The following MAGI1 variants were observed in gnomAD, a reference collection of about 807,000 sequenced individuals.
The protein encoded by MAGI1 is membrane-associated guanylate kinase, WW and PDZ domain-containing protein 1.
A neutral mutation model predicts 139.9 loss-of-function variants in MAGI1; 58 were observed. That is an observed-to-expected ratio of 0.41 (90% CI 0.34 to 0.52). MAGI1 has a LOEUF of 0.52. Among genes scored for constraint, MAGI1 ranks in the 20% least tolerant of loss-of-function variants. MAGI1 has a pLI of 0.12. For missense variants in MAGI1, 1,874 were observed against 1,901.6 expected (o/e 0.99, Z 0.27); for synonymous variants, 812 against 737.9 (o/e 1.10, Z -1.63).
chr3:65,450,995 C>A (rs999208634), intron 6 of MAGI1, among the ~76,000 whole-genome samples: 8 of 152,020 alleles, frequency 5.3e-5, no homozygotes, highest in Non-Finnish European at 1.2e-4. Context: ...TGTACAGGCA[C>A]ACAGATATAC....
chr3:65,551,447 C>CG (rs1479954736), intron 2 of MAGI1, among the ~76,000 whole-genome samples: 1 of 152,076 alleles, frequency 6.6e-6, no homozygotes, highest in African/African-American at 2.4e-5. Context: ...ATTACAGGCA[C>CG]GCACCACCGC....
chr3:65,873,073 G>A lies in MAGI1; in HGVS notation c.313+164923C>T, dbSNP rs1265119671. The A allele has an allele frequency of 1.3e-5, 2 of 152,170 alleles. 1 individual carries two copies. Among genetic ancestry groups the A allele is most frequent in the African/African-American group, 4.8e-5 (2 of 41,438 alleles). The allele number at this position is 152,170 out of a possible 1,614,324, so 9.4% of individuals were successfully genotyped here. ...ATTCCAGACTTCAATTCTAAAAAAA[G>A]AACAAAGGTAATAAAAATAATCAGA... is the stretch of plus-strand genomic sequence containing the variant. On this transcript the variant is annotated intron_variant, in intron 1 of 22. Transcript: ENST00000402939.
chr3:65,467,503 A>G (rs1360814090), intron 5 of MAGI1, among the ~76,000 whole-genome samples: 1 of 152,238 alleles, frequency 6.6e-6, no homozygotes. Context: ...GTTGCAGCCC[A>G]AATCCCATAA....
intron 7 of MAGI1, among the ~76,000 whole-genome samples, chr3:65,444,636 C>A (rs74952586): frequency 3.9e-5 from 6 of 152,092 alleles, no homozygotes; most frequent in African/African-American, 1.4e-4. Flanking sequence ...GACACAAAGA[C>A]AAACGCAAGT....
At chr3:65,628,040 T>C (rs75413910) in intron 1 of MAGI1, among the ~76,000 whole-genome samples, 7,942 of 152,264 alleles carry the variant, frequency 0.052, 421 homozygotes, top group African/African-American at 0.13. Context: ...ATAAATGTCA[T>C]TGTAATGCCT....
intron 2 of MAGI1, among the ~76,000 whole-genome samples, chr3:65,501,395 C>T (rs1490208790): frequency 1.5e-5 from 2 of 130,854 alleles, no homozygotes; most frequent in Non-Finnish European, 3.1e-5. Flanking sequence ...TGCTTGAACC[C>T]GGGAGCTGAG....
At chr3:65,689,028 T>C (rs2088323847) in intron 1 of MAGI1, among the ~76,000 whole-genome samples, 1 of 152,150 alleles carries the variant, frequency 6.6e-6, no homozygotes, top group Admixed American at 6.5e-5. Flanking sequence ...TGCCCCAAAT[T>C]GTCCTCACTG....
chr3:65,625,979 G>A (rs2083948688), intron 1 of MAGI1, among the ~76,000 whole-genome samples: 1 of 152,196 alleles, frequency 6.6e-6, no homozygotes, highest in African/African-American at 2.4e-5. Context: ...TCACTGATAT[G>A]TGATCTCTCT....
At chr3:65,707,463 T>C (rs764621074) in intron 1 of MAGI1, among the ~76,000 whole-genome samples, 21 of 152,114 alleles carry the variant, frequency 1.4e-4, no homozygotes, top group South Asian at 2.1e-4. Context: ...AGCCAGGTGA[T>C]TGTTTGAGCC....
chr3:66,035,982 A>T (rs988877662), intron 1 of MAGI1, among the ~76,000 whole-genome samples: 8 of 152,168 alleles, frequency 5.3e-5, no homozygotes, highest in Admixed American at 5.2e-4. Flanking sequence ...GCCAGCCCCT[A>T]TTCAGGACCC....
intron 2 of MAGI1, among the ~76,000 whole-genome samples, chr3:65,611,907 T>G (rs2083145513): frequency 6.6e-6 from 1 of 151,882 alleles, no homozygotes; most frequent in South Asian, 2.1e-4. Flanking sequence ...ATACTAATAG[T>G]AATTACTTCC....
At chr3:65,540,461 G>A (rs1167951572) in intron 2 of MAGI1, among the ~76,000 whole-genome samples, 1 of 152,086 alleles carries the variant, frequency 6.6e-6, no homozygotes, top group African/African-American at 2.4e-5. Context: ...CTGGCAAACA[G>A]AGACCCTCAA....
Position 65,816,517 on chromosome 3 carries a change from T to C in MAGI1, c.314-194429A>G, listed in dbSNP as rs114987902. On this transcript the variant is annotated intron_variant, in intron 1 of 22. Coordinates refer to ENST00000402939, the MANE Select transcript of MAGI1 (RefSeq NM_001033057.2). ...TTGATGAAATGTGTCAACTGAGATGTTGACCGTAAACAAAGTGGCAAGTAC... is the reference window on the plus strand; with the variant it reads ...TTGATGAAATGTGTCAACTGAGATGCTGACCGTAAACAAAGTGGCAAGTAC... Among the ~76,000 whole-genome samples, 824 of 152,278 alleles carry C rather than the reference T, an allele frequency of 5.4e-3. 6 individuals are homozygous for C. Among genetic ancestry groups the C allele is most frequent in the African/African-American group, 0.019 (775 of 41,558 alleles).
At chr3:65,882,517 T>A (rs969756196) in intron 1 of MAGI1, among the ~76,000 whole-genome samples, 1 of 152,014 alleles carries the variant, frequency 6.6e-6, no homozygotes, top group Non-Finnish European at 1.5e-5. Flanking sequence ...GGAACCTCGG[T>A]TGACCATCCC....
At chr3:65,595,532 G>C (rs971217876) in intron 2 of MAGI1, among the ~76,000 whole-genome samples, 15 of 152,072 alleles carry the variant, frequency 9.9e-5, no homozygotes, top group African/African-American at 2.4e-5. Flanking sequence ...TCTCCCCTGG[G>C]GGTGGTTTCA....
intron 2 of MAGI1, among the ~76,000 whole-genome samples, chr3:65,609,571 G>T (rs1576467766): frequency 6.6e-6 from 1 of 151,146 alleles, no homozygotes. Flanking sequence ...GAGCCACCGG[G>T]TTTTTTTTGT....
intron 1 of MAGI1, among the ~76,000 whole-genome samples, chr3:65,655,227 G>A (rs754669749): frequency 7.9e-5 from 12 of 152,088 alleles, no homozygotes; most frequent in South Asian, 2.1e-4. Context: ...GACGTAGAGC[G>A]GAGAAAAAAC....
intron 22 of MAGI1, 29 bp from the exon 23 acceptor site, chr3:65,357,161 T>C (rs770773818): frequency 7.6e-6 from 12 of 1,578,662 alleles, no homozygotes; most frequent in South Asian, 1.2e-5. Context: ...AGAGCAACAG[T>C]TGGGTACGAA....
chr3:65,401,422 A>G lies in MAGI1; in HGVS notation c.2199+17T>C. ...ACCCCAGCCCCAACAAGCACCAAGTAACTGACAAGTCCTTACCGACTTTGG... is the reference window on the plus strand; with the variant it reads ...ACCCCAGCCCCAACAAGCACCAAGTGACTGACAAGTCCTTACCGACTTTGG... On this transcript the variant is annotated intron_variant, in intron 13 of 22. Transcript: ENST00000402939. The G allele has an allele frequency of 6.3e-7, 1 of 1,599,330 alleles. No individual in the cohort carries two copies. The highest frequency in any genetic ancestry group is 8.5e-7 in the Non-Finnish European group (1 of 1,172,322).
Sources: gnomAD v4.1 joint callset for allele counts (sites outside exome capture counted in the v4.1 genomes callset) on GRCh38, gnomAD v4.1.1 for gene constraint, MANE v1.5 for transcripts, NCBI Gene and HGNC (gene_info 2026-07-23, HGNC 2026-07-21) for gene names.